The following SPHKAP variants were observed in gnomAD, a reference collection of about 807,000 sequenced individuals.
The protein encoded by SPHKAP is A-kinase anchor protein SPHKAP.
Under a neutral mutation model 137.5 loss-of-function variants are expected in SPHKAP, and 67 were observed. The ratio of observed to expected loss-of-function variants is 0.49; its 90% CI spans 0.40 to 0.60. The LOEUF is 0.60. Ranked by LOEUF, SPHKAP falls within the 20% of genes least tolerant of loss-of-function variation. SPHKAP has a pLI of 0.00. For missense variants in SPHKAP, 2,097 were observed against 2,069.3 expected (o/e 1.01, Z -0.26); for synonymous variants, 813 against 785.3 (o/e 1.04, Z -0.59).
At chr2:228,120,260 A>G (rs1698864500) in intron 2 of SPHKAP, among the ~76,000 whole-genome samples, 1 of 152,194 alleles carries the variant, frequency 6.6e-6, no homozygotes, top group Non-Finnish European at 1.5e-5. Flanking sequence ...TGACCTTCAG[A>G]TAAACTAATT....
At chr2:228,149,831 C>T (rs1699879370) in intron 1 of SPHKAP, among the ~76,000 whole-genome samples, 2 of 152,038 alleles carry the variant, frequency 1.3e-5, no homozygotes, top group South Asian at 4.1e-4. Context: ...CATAATTTAT[C>T]TGCAGATTAT....
chr2:227,996,546 C>T (rs1267613672), intron 7 of SPHKAP, among the ~76,000 whole-genome samples: 1 of 152,192 alleles, frequency 6.6e-6, no homozygotes, highest in South Asian at 2.1e-4. Flanking sequence ...CATCCACTTG[C>T]CTGTCTGTGA....
Position 228,130,881 on chromosome 2 carries a change from A to G in SPHKAP, c.138+1099T>C, listed in dbSNP as rs1009553250. Among the ~76,000 whole-genome samples, 10 of 152,278 alleles carry G rather than the reference A, an allele frequency of 6.6e-5. No individual in the cohort carries two copies. In the South Asian group the frequency reaches 1.9e-3, roughly 28 times the overall value. ...GAGAAAGAATAATAGATCATACAACATGTGTTAATAAGAATCCTTAATTAA... is the reference window on the plus strand; with the variant it reads ...GAGAAAGAATAATAGATCATACAACGTGTGTTAATAAGAATCCTTAATTAA... On this transcript the variant is annotated intron_variant, in intron 2 of 11. Transcript: ENST00000392056.
intron 1 of SPHKAP, among the ~76,000 whole-genome samples, chr2:228,140,500 G>A (rs191325497): frequency 2.0e-5 from 3 of 152,026 alleles, no homozygotes; most frequent in South Asian, 2.1e-4. Flanking sequence ...TTTAATGCAC[G>A]GCAGGTACTG....
intron 2 of SPHKAP, among the ~76,000 whole-genome samples, chr2:228,127,717 T>A (rs1271854287): frequency 6.6e-6 from 1 of 152,176 alleles, no homozygotes; most frequent in Non-Finnish European, 1.5e-5. Context: ...GGCTTGTAGC[T>A]TTTAATGAAA....
chr2:227,986,671 C>G (rs765384499), intron 11 of SPHKAP, among the ~76,000 whole-genome samples: 3 of 152,196 alleles, frequency 2.0e-5, no homozygotes, highest in Admixed American at 1.3e-4. Flanking sequence ...GGGAGGCACT[C>G]CTCTTCTGAC....
chr2:228,172,670 T>C (rs1281316331), intron 1 of SPHKAP, among the ~76,000 whole-genome samples: 1 of 152,152 alleles, frequency 6.6e-6, no homozygotes, highest in Non-Finnish European at 1.5e-5. Context: ...CCCCAGGGGA[T>C]TAAGACCACA....
intron 3 of SPHKAP, among the ~76,000 whole-genome samples, chr2:228,038,131 A>G (rs1695701763): frequency 6.6e-6 from 1 of 152,134 alleles, no homozygotes; most frequent in Non-Finnish European, 1.5e-5. Flanking sequence ...CAAACAATAC[A>G]AGGCATTGTT....
intron 1 of SPHKAP, among the ~76,000 whole-genome samples, chr2:228,171,560 A>T (rs1700585224): frequency 6.6e-6 from 1 of 152,198 alleles, no homozygotes; most frequent in Non-Finnish European, 1.5e-5. Context: ...TAAGAATTAA[A>T]TAAGAGAAGG....
At position 228,161,707 on chromosome 2, in the gene SPHKAP, C is replaced by CAAAATAAAATAAAAT. The variant is rs374926708; in HGVS notation, c.32+19845_32+19859dup. On this transcript the variant is annotated intron_variant, in intron 1 of 11. Transcript: ENST00000392056. The stretch of plus-strand genomic sequence containing the variant: ...GTGCACCTTGGAACTAAAAATAGAA[C>CAAAATAAAATAAAAT]AAAATAAAATAAAATAAAATAAAAT... 8.7e-3 allele frequency among the ~76,000 whole-genome samples: 1,308 copies of CAAAATAAAATAAAAT among 151,206 alleles called. 12 individuals are homozygous for CAAAATAAAATAAAAT. The highest frequency in any genetic ancestry group is 0.03 in the African/African-American group (1,245 of 41,004).
chr2:228,139,567 G>T (rs1179533644), intron 1 of SPHKAP, among the ~76,000 whole-genome samples: 2 of 152,150 alleles, frequency 1.3e-5, no homozygotes, highest in African/African-American at 2.4e-5. Flanking sequence ...CTGCTGTACA[G>T]ATTTACTAGT....
intron 1 of SPHKAP, among the ~76,000 whole-genome samples, chr2:228,147,796 C>G (rs1699818410): frequency 6.6e-6 from 1 of 152,174 alleles, no homozygotes; most frequent in Non-Finnish European, 1.5e-5. Flanking sequence ...ACATTTGCCA[C>G]TTTAAATCCC....
rs533562650 is a variant in SPHKAP, at chr2:228,158,757, A to T, written c.32+22810T>A. ...GGATGTCTACATCTACATATTTCACATCTATTTCAAATACAACTTATTTCA... is the reference window on the plus strand; with the variant it reads ...GGATGTCTACATCTACATATTTCACTTCTATTTCAAATACAACTTATTTCA... On this transcript the variant is annotated intron_variant, in intron 1 of 11. Transcript: ENST00000392056. 1.1e-4 allele frequency among the ~76,000 whole-genome samples: 17 copies of T among 152,252 alleles called. No individual in the cohort carries two copies. The Middle Eastern group carries it at 0.01, about 91-fold the overall frequency.
intron 1 of SPHKAP, among the ~76,000 whole-genome samples, chr2:228,168,626 CT>C (rs1559212130): frequency 2.0e-5 from 3 of 152,094 alleles, no homozygotes; most frequent in Admixed American, 1.3e-4. Context: ...GTTACCCCTT[CT>C]TTTTTCCTCT....
intron 3 of SPHKAP, among the ~76,000 whole-genome samples, chr2:228,032,398 C>T (rs149939901): frequency 4.5e-4 from 69 of 152,286 alleles, no homozygotes; most frequent in East Asian, 3.9e-3. Context: ...ACCAAATCTA[C>T]GTCTGATTGC....
chr2:228,112,078 G>T (rs533777791), intron 2 of SPHKAP, among the ~76,000 whole-genome samples: 2 of 152,202 alleles, frequency 1.3e-5, no homozygotes, highest in South Asian at 2.1e-4. Context: ...AGGAAAGGAT[G>T]CTTTTACACC....
Position 228,108,685 on chromosome 2 carries a change from G to T in SPHKAP, c.246+147C>A, listed in dbSNP as rs1436233229. ...AGCTCTGAATGCTATTTTGTTAACT[G>T]TCCATATAAACCCGCTATGTATTTT... On this transcript the variant is annotated intron_variant, in intron 3 of 11. Transcript: ENST00000392056. 8.9e-6 allele frequency: 5 copies of T among 563,336 alleles called. No homozygotes were observed. The East Asian group carries it at 1.7e-4, about 19-fold the overall frequency. 34.9% of individuals were successfully genotyped at this position (563,336 alleles called of 1,614,324 possible).
At chr2:228,050,958 A>T (rs2106272636) in intron 3 of SPHKAP, among the ~76,000 whole-genome samples, 1 of 152,114 alleles carries the variant, frequency 6.6e-6, no homozygotes, top group South Asian at 2.1e-4. Flanking sequence ...AGGTGCCACC[A>T]ACACACCAGG....
At chr2:228,047,283 C>T (rs1295452395) in intron 3 of SPHKAP, among the ~76,000 whole-genome samples, 4 of 152,078 alleles carry the variant, frequency 2.6e-5, no homozygotes, top group Admixed American at 1.3e-4. Context: ...CTGGCCAACA[C>T]TGCGAAACCC....
Sources: allele counts gnomAD v4.1 joint callset (sites outside exome capture counted in the v4.1 genomes callset), GRCh38; gene constraint gnomAD v4.1.1; transcripts MANE v1.5; gene names NCBI Gene and HGNC (gene_info 2026-07-23, HGNC 2026-07-21).